The following TSPAN9 variants were observed in gnomAD, a reference collection of about 807,000 sequenced individuals.
TSPAN9 encodes the protein tetraspanin-9.
Under a neutral mutation model 31.0 loss-of-function variants are expected in TSPAN9, and 16 were observed. The observed-to-expected ratio is 0.52, with a 90% CI of 0.35 to 0.78. The LOEUF is 0.78. Ranked by LOEUF, TSPAN9 falls within the 30% of genes least tolerant of loss-of-function variation. TSPAN9 has a pLI of 0.01. For synonymous variants in TSPAN9, 145 were observed against 121.6 expected (o/e 1.19, Z -1.27); for missense variants, 272 against 312.5 (o/e 0.87, Z 0.98).
chr12:3,280,520 A>AGG lies in TSPAN9; in HGVS notation c.432+38_432+39dup. ...GCCGCCCTGGTGGGGCCAGGCAGGG[A>AGG]GGAGGGGTGGCGGCCGGTACTTCTA... is the stretch of plus-strand genomic sequence containing the variant. On this transcript the variant is annotated intron_variant, in intron 6 of 8. Coordinates refer to ENST00000011898, the MANE Select transcript of TSPAN9 (RefSeq NM_006675.5). The surrounding 1 kb of genome is among the most constrained non-coding windows in gnomAD (Gnocchi z 4.5). The AGG allele has an allele frequency of 6.3e-7, 1 of 1,587,046 alleles. No individual in the cohort carries two copies. Among genetic ancestry groups the AGG allele is most frequent in the South Asian group, 1.1e-5 (1 of 89,770 alleles).
intron 3 of TSPAN9, among the ~76,000 whole-genome samples, chr12:3,234,756 C>G (rs938588446): frequency 2.6e-5 from 4 of 152,134 alleles, no homozygotes; most frequent in African/African-American, 9.7e-5. Flanking sequence ...CCTAGCAACT[C>G]TACAGGAAAG....
intron 2 of TSPAN9, among the ~76,000 whole-genome samples, chr12:3,156,520 T>G (rs112488493): frequency 0.1 from 15,522 of 151,610 alleles, 901 homozygotes; most frequent in African/African-American, 0.16. Context: ...GTTTTTTTTT[T>G]AGATGGAGTC....
At chr12:3,256,872 C>G (rs555011431) in intron 3 of TSPAN9, among the ~76,000 whole-genome samples, 1 of 152,244 alleles carries the variant, frequency 6.6e-6, no homozygotes, top group South Asian at 2.1e-4. Context: ...GAGTCCATTC[C>G]CTGGGGAGGA....
rs192090638 is a variant in TSPAN9 at position 3,231,261 on chromosome 12, A to G, written c.63+30005A>G. Reference sequence around the variant, plus strand: ...GAAGCGGGGCAGTCCCAAGTTCCCTAACTCTGTGACCTTGGGCCAGGCACT... The same window carrying G: ...GAAGCGGGGCAGTCCCAAGTTCCCTGACTCTGTGACCTTGGGCCAGGCACT... On this transcript the variant is annotated intron_variant, in intron 3 of 8. Coordinates refer to ENST00000011898, the MANE Select transcript of TSPAN9 (RefSeq NM_006675.5). Among the ~76,000 whole-genome samples the G allele has an allele frequency of 2.1e-3, 319 of 152,294 alleles. 2 individuals are homozygous for G. Among genetic ancestry groups the G allele is most frequent in the African/African-American group, 7.1e-3 (297 of 41,560 alleles).
intron 2 of TSPAN9, among the ~76,000 whole-genome samples, chr12:3,148,440 G>A (rs1055204314): frequency 3.6e-4 from 55 of 152,332 alleles, no homozygotes; most frequent in African/African-American, 1.0e-3. Context: ...CCAGCAGCTC[G>A]GGCTGGGTTC....
chr12:3,244,459 G>A (rs1237270713), intron 3 of TSPAN9, among the ~76,000 whole-genome samples: 1 of 152,214 alleles, frequency 6.6e-6, no homozygotes, highest in Non-Finnish European at 1.5e-5. Context: ...CCTGGAGCCA[G>A]GTCCCAGCCC....
At chr12:3,196,899 T>C (rs1456335630) in intron 2 of TSPAN9, among the ~76,000 whole-genome samples, 1 of 152,194 alleles carries the variant, frequency 6.6e-6, no homozygotes, top group Non-Finnish European at 1.5e-5. Flanking sequence ...ATGAGGCAAC[T>C]ATTCTGCCTG....
chr12:3,239,037 G>T (rs745505699), intron 3 of TSPAN9, among the ~76,000 whole-genome samples: 8 of 152,220 alleles, frequency 5.3e-5, no homozygotes, highest in Non-Finnish European at 7.3e-5. Flanking sequence ...AGACCTGAGG[G>T]TGCCCTGATT....
intron 2 of TSPAN9, among the ~76,000 whole-genome samples, chr12:3,139,983 G>T (rs1241922655): frequency 2.6e-5 from 4 of 152,228 alleles, no homozygotes; most frequent in Non-Finnish European, 4.4e-5. Flanking sequence ...TCCCTGGGCA[G>T]ATCCACTCTC....
intron 3 of TSPAN9, among the ~76,000 whole-genome samples, chr12:3,205,721 C>T (rs148051341): frequency 9.9e-6 from 1 of 101,384 alleles, no homozygotes. Context: ...CACTTAGGCC[C>T]CCCCCCCCCA....
At chr12:3,278,911 G>T (rs560321149) in intron 4 of TSPAN9, 81 bp from the exon 5 acceptor site, 1 of 1,473,916 alleles carries the variant, frequency 6.8e-7, no homozygotes, top group South Asian at 1.2e-5. Context: ...CCTAGGCGCC[G>T]CCTGTCCCTG....
intron 2 of TSPAN9, among the ~76,000 whole-genome samples, chr12:3,193,290 C>T (rs984193802): frequency 3.3e-5 from 5 of 152,180 alleles, no homozygotes; most frequent in Non-Finnish European, 5.9e-5. Context: ...TGGTGTGAGC[C>T]GATTTCGGGG....
intron 4 of TSPAN9, 38 bp downstream of exon 4, chr12:3,278,650 G>A (rs776465087): frequency 1.1e-5 from 17 of 1,595,172 alleles, no homozygotes; most frequent in Non-Finnish European, 1.5e-5. Flanking sequence ...TCCAACTCCT[G>A]ATCTCCTTGC....
At chr12:3,263,320 G>T (rs1021990850) in intron 3 of TSPAN9, among the ~76,000 whole-genome samples, 1 of 152,216 alleles carries the variant, frequency 6.6e-6, no homozygotes, top group East Asian at 1.9e-4. Context: ...GACCTGGCCC[G>T]TTGGCAGCAC....
chr12:3,258,916 T>C (rs1017160863), intron 3 of TSPAN9, among the ~76,000 whole-genome samples: 7 of 152,176 alleles, frequency 4.6e-5, no homozygotes, highest in Admixed American at 4.6e-4. Context: ...GGTGGGATCC[T>C]GAGATGAGAT....
chr12:3,264,860 G>A (rs373313259), intron 3 of TSPAN9, among the ~76,000 whole-genome samples: 6 of 152,188 alleles, frequency 3.9e-5, no homozygotes, highest in South Asian at 4.1e-4. Context: ...AGAAAAAGTC[G>A]TTTTCTGCGG....
intron 2 of TSPAN9, among the ~76,000 whole-genome samples, chr12:3,188,719 C>A (rs2153971866): frequency 6.6e-6 from 1 of 152,268 alleles, no homozygotes; most frequent in South Asian, 2.1e-4. Context: ...GAGCTCCAGG[C>A]TGGACATCTG....
chr12:3,140,731 A>G (rs1318461990), intron 2 of TSPAN9, among the ~76,000 whole-genome samples: 1 of 151,814 alleles, frequency 6.6e-6, no homozygotes, highest in African/African-American at 2.4e-5. Flanking sequence ...GGACTCAGGG[A>G]TGTTTGGGGT....
chr12:3,132,727 C>CT (rs1817228220), intron 2 of TSPAN9, among the ~76,000 whole-genome samples: 5 of 152,212 alleles, frequency 3.3e-5, no homozygotes. Context: ...AGATATTTGA[C>CT]TTTTTCCTAT....
Sources: gnomAD v4.1 joint callset for allele counts (sites outside exome capture counted in the v4.1 genomes callset) on GRCh38, gnomAD v4.1.1 for gene constraint, Gnocchi (gnomAD v3.1) non-coding constraint, MANE v1.5 for transcripts, NCBI Gene and HGNC (gene_info 2026-07-23, HGNC 2026-07-21) for gene names.